The following HS6ST2 variants were observed in gnomAD, a reference collection of about 807,000 sequenced individuals.
The protein encoded by HS6ST2 is heparan sulfate 6-O-sulfotransferase 2, also known as heparan-sulfate 6-O-sulfotransferase 2.
Under a neutral mutation model 33.0 loss-of-function variants are expected in HS6ST2, and 17 were observed. The observed-to-expected ratio is 0.52, with a 90% CI of 0.35 to 0.77. The LOEUF is 0.77. Ranked by LOEUF, HS6ST2 falls within the 30% of genes least tolerant of loss-of-function variation. The probability of loss-of-function intolerance (pLI) is 0.01; values close to 1 mark genes in which losing one functional copy is unlikely to be tolerated. For missense variants in HS6ST2, 519 were observed against 551.7 expected, an observed-to-expected ratio of 0.94 and a Z score of 0.59; for synonymous variants, 248 against 237.1, an observed-to-expected ratio of 1.05 and a Z score of -0.42.
intron 3 of HS6ST2, among the ~76,000 whole-genome samples, chrX:132,673,733 G>T (rs751862509): frequency 3.6e-5 from 4 of 110,900 alleles, no homozygotes; most frequent in Admixed American, 9.6e-5. Context: ...AGGGATAAAA[G>T]CTCATCTAGT....
intron 2 of HS6ST2, among the ~76,000 whole-genome samples, chrX:132,868,108 A>G (rs1313548885): frequency 1.8e-5 from 2 of 112,002 alleles, no homozygotes; most frequent in African/African-American, 6.5e-5. Context: ...AGTAAATGGA[A>G]AGTAAAACAA....
At chrX:132,896,602 G>C (rs2148457211) in intron 2 of HS6ST2, among the ~76,000 whole-genome samples, 1 of 111,666 alleles carries the variant, frequency 9.0e-6, no homozygotes, top group African/African-American at 3.3e-5. Flanking sequence ...TAACTCAAAG[G>C]GTAAATGCTT....
At chrX:132,829,197 T>C (rs7065706) in intron 2 of HS6ST2, among the ~76,000 whole-genome samples, 23 of 50,264 alleles carry the variant, frequency 4.6e-4, no homozygotes, top group South Asian at 3.7e-3. Context: ...TATATATATA[T>C]ATACATACTT....
chrX:132,676,554 G>A (rs1019428859), intron 3 of HS6ST2, among the ~76,000 whole-genome samples: 2 of 111,978 alleles, frequency 1.8e-5, no homozygotes, highest in Non-Finnish European at 1.9e-5. Flanking sequence ...AAAATAGAAC[G>A]AAATTATGCT....
chrX:132,871,808 A>G (rs931990608), intron 2 of HS6ST2, among the ~76,000 whole-genome samples: 2 of 110,368 alleles, frequency 1.8e-5, no homozygotes, highest in African/African-American at 6.6e-5. Flanking sequence ...GAGGGATATT[A>G]TTAGGAGAAA....
intron 2 of HS6ST2, among the ~76,000 whole-genome samples, chrX:132,923,217 A>C (rs1244378621): frequency 9.0e-6 from 1 of 111,469 alleles, no homozygotes; most frequent in African/African-American, 3.3e-5. Context: ...AGGTAGGAAG[A>C]TTCCAAGAGA....
intron 2 of HS6ST2, among the ~76,000 whole-genome samples, chrX:132,857,783 C>T (rs189324553): frequency 4.1e-4 from 46 of 111,588 alleles, no homozygotes; most frequent in African/African-American, 1.5e-3. Context: ...TGTTTAGGTT[C>T]ATTGGAACAA....
In HS6ST2 at chrX:132,805,050, G is replaced by A. The variant is rs992169844; in HGVS notation, c.948-96556C>T. ...CCACAGATGTTCAGTGTGCCTCTCA[G>A]AGGACAGTAAGAAAGGAAAGGCAGT... On this transcript the variant is annotated intron_variant, in intron 2 of 4. Transcript: ENST00000370833. Among the ~76,000 whole-genome samples, 15 of 111,366 alleles carry A rather than the reference G, an allele frequency of 1.3e-4. No individual in the cohort carries two copies. In the East Asian group the frequency reaches 3.7e-3, roughly 27 times the overall value.
intron 3 of HS6ST2, among the ~76,000 whole-genome samples, chrX:132,699,101 G>A (rs768396539): frequency 1.8e-5 from 2 of 111,338 alleles, no homozygotes; most frequent in East Asian, 5.7e-4. Context: ...ACCTATGATT[G>A]TAGGCCATGA....
At chrX:132,852,969 C>A (rs1050122371) in intron 2 of HS6ST2, among the ~76,000 whole-genome samples, 1 of 111,684 alleles carries the variant, frequency 9.0e-6, no homozygotes, top group African/African-American at 3.3e-5. Flanking sequence ...TAGCCAGCTG[C>A]CAATAATCTG....
chrX:132,867,606 G>T (rs1277282514), intron 2 of HS6ST2, among the ~76,000 whole-genome samples: 1 of 111,566 alleles, frequency 9.0e-6, no homozygotes, highest in Non-Finnish European at 1.9e-5. Flanking sequence ...AATCCATCTG[G>T]TCCTGAACTG....
chrX:132,728,552 A>G (rs747610780), intron 2 of HS6ST2, among the ~76,000 whole-genome samples: 2 of 112,284 alleles, frequency 1.8e-5, no homozygotes, highest in South Asian at 7.6e-4. Context: ...CCTGACCCAC[A>G]TAGATGGGAT....
chrX:132,713,305 T>C (rs979680132), intron 2 of HS6ST2, among the ~76,000 whole-genome samples: 1 of 111,198 alleles, frequency 9.0e-6, no homozygotes, highest in Non-Finnish European at 1.9e-5. Flanking sequence ...ACAGTCATCA[T>C]ACAATACGTT....
At position 132,864,298 on chromosome X, in the gene HS6ST2, C is replaced by T. The variant is rs757379549; in HGVS notation, c.947+92510G>A. Among the ~76,000 whole-genome samples the T allele has an allele frequency of 2.7e-5, 3 of 109,111 alleles. No homozygotes were observed. In the South Asian group the frequency reaches 1.2e-3, roughly 44 times the overall value. 94.7% of individuals were successfully genotyped at this position (109,111 alleles called of 115,157 possible). A position where few individuals can be genotyped will look rare whatever the true frequency, so the allele number is the denominator to read the frequency against. ...GCTTCAGAAGGTGGGTAATAACAAA[C>T]TCCTTCAAGCTAAAGGAGCACATTC... On this transcript the variant is annotated intron_variant, in intron 2 of 4. Coordinates refer to ENST00000370833, the MANE Select transcript of HS6ST2 (RefSeq NM_001394073.1).
chrX:132,764,315 A>C (rs1220938397), intron 2 of HS6ST2, among the ~76,000 whole-genome samples: 1 of 112,384 alleles, frequency 8.9e-6, no homozygotes, highest in Non-Finnish European at 1.9e-5. Flanking sequence ...AAGAAATACT[A>C]ATCATTTTGG....
At chrX:132,809,943 T>C (rs991927591) in intron 2 of HS6ST2, among the ~76,000 whole-genome samples, 35 of 112,128 alleles carry the variant, frequency 3.1e-4, no homozygotes, top group African/African-American at 1.1e-3. Flanking sequence ...AGCATCTGCC[T>C]CTAAGAGACC....
At chrX:132,633,408 G>A (rs971929226) in intron 4 of HS6ST2, among the ~76,000 whole-genome samples, 2 of 111,445 alleles carry the variant, frequency 1.8e-5, no homozygotes, top group Admixed American at 9.6e-5. Context: ...GATGAAATTC[G>A]TGAAGTTAGT....
At chrX:132,881,340 C>G (rs2066170473) in intron 2 of HS6ST2, among the ~76,000 whole-genome samples, 1 of 111,398 alleles carries the variant, frequency 9.0e-6, no homozygotes, top group Non-Finnish European at 1.9e-5. Flanking sequence ...GAGATGGTAT[C>G]TCATTGTGGT....
intron 2 of HS6ST2, among the ~76,000 whole-genome samples, chrX:132,819,405 T>C (rs970440491): frequency 2.7e-5 from 3 of 111,238 alleles, no homozygotes; most frequent in African/African-American, 9.8e-5. Flanking sequence ...GAAAAGAAAA[T>C]GCTGGAGACA....
Sources: gnomAD v4.1 joint callset for allele counts (sites outside exome capture counted in the v4.1 genomes callset) on GRCh38, gnomAD v4.1.1 for gene constraint, MANE v1.5 for transcripts, NCBI Gene and HGNC (gene_info 2026-07-23, HGNC 2026-07-21) for gene names.